PRR16: variants seen among roughly 807,000 people sequenced by gnomAD.
PRR16 encodes proline rich 16, also known as protein Largen.
A neutral mutation model predicts 18.2 loss-of-function variants in PRR16; 6 were observed. The observed-to-expected ratio is 0.33, with a 90% CI of 0.18 to 0.65. The LOEUF (loss-of-function observed/expected upper bound fraction) is 0.65. Among genes scored for constraint, PRR16 ranks in the 30% least tolerant of loss-of-function variants. The pLI, the probability that PRR16 is intolerant of heterozygous loss-of-function variation, is 0.74. For missense variants in PRR16, 412 were observed against 376.6 expected, an observed-to-expected ratio of 1.09 and a Z score of -0.78; for synonymous variants, 151 against 147.8, an observed-to-expected ratio of 1.02 and a Z score of -0.16.
Position 120,501,315 on chromosome 5 carries a change from T to C in PRR16, c.159+36670T>C, listed in dbSNP as rs145307538. On this transcript the variant is annotated intron_variant, in intron 1 of 1. Coordinates refer to ENST00000407149, the MANE Select transcript of PRR16 (RefSeq NM_001300783.2). ...TAGGTTTAAATATACATTGGAATAT[T>C]ATTGGAAAAGAGGGAGTATATCCAT... is the stretch of plus-strand genomic sequence containing the variant. Among the ~76,000 whole-genome samples the C allele has an allele frequency of 5.0e-3, 765 of 152,294 alleles. 12 individuals carry two copies. Among genetic ancestry groups the C allele is most frequent in the African/African-American group, 0.018 (728 of 41,572 alleles).
At chr5:120,495,056 G>A (rs770863990) in intron 1 of PRR16, among the ~76,000 whole-genome samples, 4 of 151,910 alleles carry the variant, frequency 2.6e-5, no homozygotes, top group Middle Eastern at 3.4e-3. Flanking sequence ...AATGGCTTTC[G>A]CTATTATAAT....
chr5:120,545,874 G>C (rs1452803762), intron 1 of PRR16, among the ~76,000 whole-genome samples: 1 of 151,918 alleles, frequency 6.6e-6, no homozygotes, highest in Non-Finnish European at 1.5e-5. Context: ...TGAAAAGTAG[G>C]ATGAGTTCTT....
At chr5:120,574,028 A>G (rs1752996202) in intron 1 of PRR16, among the ~76,000 whole-genome samples, 1 of 152,112 alleles carries the variant, frequency 6.6e-6, no homozygotes, top group South Asian at 2.1e-4. Flanking sequence ...ATGATTTTGT[A>G]GTAGACAAAT....
chr5:120,722,785 G>C, the PRR16 span, among the ~76,000 whole-genome samples: 9 of 151,676 alleles, frequency 5.9e-5, no homozygotes, highest in Non-Finnish European at 1.2e-4. Context: ...TTACTTAATC[G>C]TTCTTTCTCT....
intron 1 of PRR16, among the ~76,000 whole-genome samples, chr5:120,497,201 A>G (rs1463972462): frequency 6.6e-6 from 1 of 152,054 alleles, no homozygotes; most frequent in African/African-American, 2.4e-5. Flanking sequence ...TGTTGCACAG[A>G]TATTGATTAG....
At chr5:120,693,298 T>A in the PRR16 span, among the ~76,000 whole-genome samples, 1 of 152,208 alleles carries the variant, frequency 6.6e-6, no homozygotes, top group African/African-American at 2.4e-5. Context: ...CTCTTTCCAC[T>A]TAATGGGGAT....
chr5:120,743,546 GT>G, the PRR16 span, among the ~76,000 whole-genome samples: 1 of 124,448 alleles, frequency 8.0e-6, no homozygotes, highest in South Asian at 2.4e-4. Flanking sequence ...CAGCCTGACA[GT>G]TTTTACAATG....
the PRR16 span, among the ~76,000 whole-genome samples, chr5:120,757,959 A>G: frequency 1.3e-5 from 2 of 152,128 alleles, no homozygotes; most frequent in African/African-American, 4.8e-5. Flanking sequence ...TGAGATAAAT[A>G]AGGAGTGAGT....
intron 1 of PRR16, 97 bp downstream of exon 1, chr5:120,464,742 C>T: frequency 7.5e-7 from 1 of 1,327,358 alleles, no homozygotes; most frequent in South Asian, 1.7e-5. Context: ...TTTCCAAACT[C>T]CTGGGAAACT....
chr5:120,737,643 C>CTT, the PRR16 span, among the ~76,000 whole-genome samples: 1 of 141,620 alleles, frequency 7.1e-6, no homozygotes, highest in African/African-American at 2.6e-5. Flanking sequence ...TTCTTTCTTT[C>CTT]TTTTTTTTTT....
chr5:120,635,442 G>C (rs1353591819), intron 1 of PRR16, among the ~76,000 whole-genome samples: 2 of 152,170 alleles, frequency 1.3e-5, no homozygotes, highest in Admixed American at 1.3e-4. Context: ...TTTCAAACCA[G>C]GGATGCAGGG....
intron 1 of PRR16, among the ~76,000 whole-genome samples, chr5:120,628,576 C>T (rs1355052439): frequency 6.6e-6 from 1 of 152,022 alleles, no homozygotes; most frequent in Admixed American, 6.6e-5. Context: ...GATTAGATTT[C>T]CCCAGGATAA....
At chr5:120,678,136 C>T (rs1310843375) in intron 1 of PRR16, among the ~76,000 whole-genome samples, 1 of 152,052 alleles carries the variant, frequency 6.6e-6, no homozygotes, top group African/African-American at 2.4e-5. Context: ...GTGTCGATCT[C>T]CTGACCTGGT....
chr5:120,628,109 A>T (rs182550469), intron 1 of PRR16, among the ~76,000 whole-genome samples: 12 of 152,138 alleles, frequency 7.9e-5, no homozygotes, highest in Admixed American at 7.9e-4. Flanking sequence ...ACATGTGAAG[A>T]TGGATTGTTC....
chr5:120,711,679 T>C, the PRR16 span, among the ~76,000 whole-genome samples: 1 of 152,230 alleles, frequency 6.6e-6, no homozygotes, highest in Non-Finnish European at 1.5e-5. Context: ...CCTGAAGCTG[T>C]GCTGTACAAA....
chr5:120,701,375 G>A, the PRR16 span, among the ~76,000 whole-genome samples: 1 of 152,178 alleles, frequency 6.6e-6, no homozygotes, highest in Non-Finnish European at 1.5e-5. Flanking sequence ...TGCCAAACAA[G>A]TCATGAACTG....
chr5:120,760,641 A>C, the PRR16 span, among the ~76,000 whole-genome samples: 1 of 83,290 alleles, frequency 1.2e-5, no homozygotes, highest in Non-Finnish European at 3.0e-5. Context: ...TTACCTAATA[A>C]ATACTTTCAT....
chr5:120,544,992 T>C (rs904537366), intron 1 of PRR16, among the ~76,000 whole-genome samples: 1 of 152,190 alleles, frequency 6.6e-6, no homozygotes, highest in African/African-American at 2.4e-5. Context: ...TGTATATTTA[T>C]TGTTTGCTGA....
intron 1 of PRR16, among the ~76,000 whole-genome samples, chr5:120,525,400 T>C (rs1751315129): frequency 6.6e-6 from 1 of 152,104 alleles, no homozygotes; most frequent in South Asian, 2.1e-4. Flanking sequence ...TTTCTCTTTC[T>C]TCTTTCCCTT....
Sources: allele counts gnomAD v4.1 joint callset (sites outside exome capture counted in the v4.1 genomes callset), GRCh38; gene constraint gnomAD v4.1.1; transcripts MANE v1.5; gene names NCBI Gene and HGNC (gene_info 2026-07-23, HGNC 2026-07-21).